SLC22A25: variants seen among roughly 807,000 people sequenced by gnomAD.
The protein encoded by SLC22A25 is solute carrier family 22 member 25, also known as MGI:2442751, MGI:2385316, MGI:3042283, MGI:3645714, MGI:3605624, MGI:2442750.
Under a neutral mutation model 45.9 loss-of-function variants are expected in SLC22A25, and 44 were observed. The ratio of observed to expected loss-of-function variants is 0.96; its 90% CI spans 0.75 to 1.23. The LOEUF is 1.23. SLC22A25 is among the 50% of genes most tolerant of loss of function. SLC22A25 has a pLI of 0.00. For synonymous variants in SLC22A25, 283 were observed against 238.6 expected, an observed-to-expected ratio of 1.19 and a Z score of -1.72; for missense variants, 800 against 666.4, an observed-to-expected ratio of 1.20 and a Z score of -2.21.
Position 63,159,840 on chromosome 11 carries a change from T to A in SLC22A25, c.*3984A>T, listed in dbSNP as rs557632578. Among the ~76,000 whole-genome samples, 6 of 152,320 alleles carry A rather than the reference T, an allele frequency of 3.9e-5. No homozygotes were observed. The highest frequency in any genetic ancestry group is 9.6e-5 in the African/African-American group (4 of 41,570). ...AAATCCAGGCTGAGGTGGTCTCAGA[T>A]GAAGATGAAGAACTTGTTGGTAACT... is the stretch of plus-strand genomic sequence containing the variant. On this transcript the variant is annotated 3_prime_UTR_variant, in exon 12 of 12. Transcript: ENST00000306494.
At chr11:63,198,687 T>C (rs1452715421) in intron 7 of SLC22A25, among the ~76,000 whole-genome samples, 1 of 152,226 alleles carries the variant, frequency 6.6e-6, no homozygotes. Context: ...CTGCACATTG[T>C]GCACATGTAC....
chr11:63,168,812 G>A lies in SLC22A25; in HGVS notation c.1071-2554C>T, dbSNP rs1042468464. On this transcript the variant is annotated intron_variant, in intron 9 of 11. Transcript: ENST00000306494. ...CCAACATACAATTTCAGGATATACA[G>A]AGAACACCACTTAGATACTCCTTGA... 2.0e-5 allele frequency among the ~76,000 whole-genome samples: 3 copies of A among 152,096 alleles called. No individual in the cohort carries two copies. In the South Asian group the frequency reaches 6.2e-4, roughly 32 times the overall value.
intron 7 of SLC22A25, among the ~76,000 whole-genome samples, chr11:63,209,603 A>T (rs1042769353): frequency 1.3e-5 from 2 of 152,148 alleles, no homozygotes; most frequent in Non-Finnish European, 2.9e-5. Context: ...TGCAGATGCC[A>T]CTTTGAGAGA....
At chr11:63,239,572 T>C (rs549433690) in intron 1 of SLC22A25, among the ~76,000 whole-genome samples, 3 of 152,342 alleles carry the variant, frequency 2.0e-5, no homozygotes, top group African/African-American at 7.2e-5. Flanking sequence ...TGAAAGTAAG[T>C]GCTTTTCTTG....
In SLC22A25 at chr11:63,229,392, C is replaced by T; in HGVS notation, c.261G>A (p.Lys87=). The T allele has an allele frequency of 6.2e-7, 1 of 1,614,120 alleles. No homozygotes were observed. Among genetic ancestry groups the T allele is most frequent in the South Asian group, 1.1e-5 (1 of 91,080 alleles). Residue 87 remains lysine, a synonymous_variant, in exon 4 of 12, where the codon AAG becomes AAA. Coordinates refer to ENST00000306494, the MANE Select transcript of SLC22A25 (RefSeq NM_199352.6). ...ACTGGGGATGGACAAAGCGACGACA[C>T]TTCTCTGGCCTCAGATTTGAGTCGA... is the stretch of plus-strand genomic sequence containing the variant. The part of the protein sequence containing the change: ...IPFDSNLRPE[K]CRRFVHPQWK...
rs530271209 is a variant in SLC22A25, at chr11:63,190,217, C to G, written c.831-6400G>C. Among the ~76,000 whole-genome samples, 6 of 152,294 alleles carry G rather than the reference C, an allele frequency of 3.9e-5. No homozygotes were observed. In the South Asian group the frequency reaches 1.2e-3, roughly 32 times the overall value. ...TAGATTTGGTCTTTTCAGATAGTCC[C>G]ATATTTCCTGGAGGCTTTTCTTGTT... is the stretch of plus-strand genomic sequence containing the variant. On this transcript the variant is annotated intron_variant, in intron 7 of 11. Coordinates refer to ENST00000306494, the MANE Select transcript of SLC22A25 (RefSeq NM_199352.6).
At chr11:63,233,006 C>A (rs924136168) in intron 3 of SLC22A25, among the ~76,000 whole-genome samples, 1 of 152,048 alleles carries the variant, frequency 6.6e-6, no homozygotes, top group African/African-American at 2.4e-5. Context: ...GGTGGATAAG[C>A]TTTTTGATGT....
chr11:63,201,786 T>C (rs986066178), intron 7 of SLC22A25, among the ~76,000 whole-genome samples: 5 of 145,510 alleles, frequency 3.4e-5, no homozygotes, highest in Non-Finnish European at 7.5e-5. Context: ...ATTCAGAATC[T>C]ATAAGGAAGT....
intron 7 of SLC22A25, among the ~76,000 whole-genome samples, chr11:63,191,440 C>A (rs1218506113): frequency 6.6e-6 from 1 of 152,192 alleles, no homozygotes; most frequent in African/African-American, 2.4e-5. Context: ...TGGGTGCCCT[C>A]TGTCACCCCT....
At position 63,229,749 on chromosome 11, in the gene SLC22A25, T is replaced by TGATTTAA; in HGVS notation, c.-98_-97insTTAAATC. 1 of 1,288,738 alleles carries TGATTTAA rather than the reference T, an allele frequency of 7.8e-7. No individual in the cohort carries two copies. Among genetic ancestry groups the TGATTTAA allele is most frequent in the Non-Finnish European group, 1.1e-6 (1 of 951,334 alleles). 79.8% of individuals were successfully genotyped at this position (1,288,738 alleles called of 1,614,324 possible). On this transcript the variant is annotated 5_prime_UTR_variant, in exon 4 of 12. Coordinates refer to ENST00000306494, the MANE Select transcript of SLC22A25 (RefSeq NM_199352.6). ...TCCTTTCCTTAAATCACACTAAGTG[T>TGATTTAA]GTGTGTTGATCCTGACCCCACTCTC...
At chr11:63,230,221 T>G (rs563453924) in intron 3 of SLC22A25, among the ~76,000 whole-genome samples, 125 bp from the exon 4 acceptor site, 4 of 152,342 alleles carry the variant, frequency 2.6e-5, no homozygotes, top group Non-Finnish European at 5.9e-5. Context: ...TTTTGTTGAC[T>G]GATGTTCTGC....
At chr11:63,234,843 ACTCT>A (rs1246888628) in intron 3 of SLC22A25, among the ~76,000 whole-genome samples, 1 of 151,892 alleles carries the variant, frequency 6.6e-6, no homozygotes, top group Admixed American at 6.6e-5. Flanking sequence ...GTGGTGACAA[ACTCT>A]CTCAGCATTT....
In SLC22A25 at chr11:63,162,257, G is replaced by A. The variant is rs2087546592; in HGVS notation, c.*1567C>T. Among the ~76,000 whole-genome samples the A allele has an allele frequency of 6.6e-6, 1 of 152,264 alleles. No homozygotes were observed. The highest frequency in any genetic ancestry group is 2.1e-4 in the South Asian group (1 of 4,818). On this transcript the variant is annotated 3_prime_UTR_variant, in exon 12 of 12. Coordinates refer to ENST00000306494, the MANE Select transcript of SLC22A25 (RefSeq NM_199352.6). ...TGAATGTATCCTTTGCTGTGCAGAA[G>A]TTTTTTAACTTGCTGTGATCCCATT... is the stretch of plus-strand genomic sequence containing the variant.
intron 1 of SLC22A25, among the ~76,000 whole-genome samples, chr11:63,239,549 C>T (rs1248516261): frequency 1.3e-5 from 2 of 152,170 alleles, no homozygotes; most frequent in African/African-American, 4.8e-5. Flanking sequence ...TAGAAATCTT[C>T]CTGTGAAAGT....
chr11:63,178,151 A>C (rs902572895), intron 9 of SLC22A25, among the ~76,000 whole-genome samples: 1 of 151,888 alleles, frequency 6.6e-6, no homozygotes, highest in East Asian at 1.9e-4. Context: ...TTGGCCTCCC[A>C]AAATTCTGGG....
rs2088284708 is a variant in SLC22A25, at chr11:63,180,660, C to T, written c.1070G>A (p.Arg357Lys). The change falls in exon 9 of 12, where the codon AGA (arginine) becomes AAA (lysine). Residue 357 changes from arginine to lysine, a missense_variant and splice_region_variant. Arg to Lys is a conservative substitution (Grantham distance 26). Transcript: ENST00000306494. ...TCCTCACACACTGCATGAAACTTACCTCACAAAGGACAGGAAACAGATTCT... is the reference window on the plus strand; with the variant it reads ...TCCTCACACACTGCATGAAACTTACTTCACAAAGGACAGGAAACAGATTCT... ...CKRICFLSFV[R>K]FASTIPFWGL... The T allele has an allele frequency of 1.2e-6, 2 of 1,605,518 alleles. No individual in the cohort carries two copies. Among genetic ancestry groups the T allele is most frequent in the Non-Finnish European group, 1.7e-6 (2 of 1,175,228 alleles).
rs1378173781 is a variant in SLC22A25 at position 63,180,694 on chromosome 11, T to A, written c.1036A>T (p.Ile346Leu). 6.2e-7 allele frequency: 1 copy of A among 1,613,174 alleles called. No homozygotes were observed. The highest frequency in any genetic ancestry group is 8.5e-7 in the Non-Finnish European group (1 of 1,179,488). The change falls in exon 9 of 12, where the codon ATA (isoleucine) becomes TTA (leucine). Residue 346 changes from isoleucine to leucine, a missense_variant. Ile to Leu is a conservative substitution (Grantham distance 5). Transcript: ENST00000306494. ...GACAGGAAACAGATTCTTTTACATA[T>A]GTTGGGTATGCGGAGCAATTCACAA... ...SLCELLRIPN[I>L]CKRICFLSFV...
At chr11:63,189,066 T>C (rs1256565113) in intron 7 of SLC22A25, among the ~76,000 whole-genome samples, 7 of 152,234 alleles carry the variant, frequency 4.6e-5, no homozygotes, top group Admixed American at 4.6e-4. Context: ...TTAGGTCCAC[T>C]TGGTGAGAGC....
At chr11:63,241,011 T>G (rs1481174789) in intron 1 of SLC22A25, among the ~76,000 whole-genome samples, 7 of 152,248 alleles carry the variant, frequency 4.6e-5, no homozygotes, top group African/African-American at 1.7e-4. Context: ...TGATATGGCT[T>G]TAGCTCAAAA....
Sources: allele counts gnomAD v4.1 joint callset (sites outside exome capture counted in the v4.1 genomes callset), GRCh38; gene constraint gnomAD v4.1.1; transcripts MANE v1.5; gene names NCBI Gene and HGNC (gene_info 2026-07-23, HGNC 2026-07-21).